The following RBPJ variants were observed in gnomAD, a reference collection of about 807,000 sequenced individuals.
RBPJ encodes recombination signal binding protein for immunoglobulin kappa J region, also known as recombining binding protein suppressor of hairless.
Under a neutral mutation model 67.8 loss-of-function variants are expected in RBPJ, and 9 were observed. The ratio of observed to expected loss-of-function variants is 0.13; its 90% confidence interval spans 0.08 to 0.23. The LOEUF is 0.23. RBPJ is among the 10% of genes least tolerant of loss of function. RBPJ has a pLI of 1.00. For synonymous variants in RBPJ, 198 were observed against 203.3 expected (o/e 0.97, Z 0.22); for missense variants, 305 against 595.6 (o/e 0.51, Z 5.08).
the RBPJ span, among the ~76,000 whole-genome samples, chr4:26,134,164 C>T: frequency 3.3e-5 from 5 of 152,166 alleles, 1 homozygote; most frequent in African/African-American, 1.2e-4. Context: ...TTTAAATGAA[C>T]CCTATTTAGA....
chr4:26,191,254 G>A (rs1050389475), intron 1 of RBPJ, among the ~76,000 whole-genome samples: 58 of 137,846 alleles, frequency 4.2e-4, no homozygotes, highest in African/African-American at 1.5e-3. Flanking sequence ...GAGAGAGAGA[G>A]AGGGAGAGAG....
chr4:26,233,481 G>A (rs1027906753), intron 1 of RBPJ, among the ~76,000 whole-genome samples: 6 of 152,160 alleles, frequency 3.9e-5, no homozygotes, highest in South Asian at 2.1e-4. Context: ...CTTCAGTTTC[G>A]TTAAGATGTT....
intron 1 of RBPJ, chr4:26,362,650 G>A: frequency 6.2e-7 from 1 of 1,601,016 alleles, no homozygotes; most frequent in Non-Finnish European, 8.6e-7. Flanking sequence ...AAATCTCCCA[G>A]TGACCCCAAG....
At chr4:26,357,683 GT>G (rs1727546270) in intron 1 of RBPJ, among the ~76,000 whole-genome samples, 1 of 152,040 alleles carries the variant, frequency 6.6e-6, no homozygotes, top group Non-Finnish European at 1.5e-5. Context: ...CTCCACAGCT[GT>G]TTTCATCTGC....
intron 1 of RBPJ, among the ~76,000 whole-genome samples, chr4:26,266,098 C>G (rs904218969): frequency 6.6e-6 from 1 of 152,090 alleles, no homozygotes; most frequent in African/African-American, 2.4e-5. Context: ...AAATTCCATA[C>G]TTTGGGGTAT....
intron 1 of RBPJ, among the ~76,000 whole-genome samples, chr4:26,244,129 A>G (rs1408769868): frequency 6.7e-6 from 1 of 148,852 alleles, no homozygotes; most frequent in Admixed American, 6.7e-5. Flanking sequence ...AAACTTTAAA[A>G]TGTATATATA....
intron 3 of RBPJ, among the ~76,000 whole-genome samples, chr4:26,406,790 A>G (rs1028492162): frequency 5.9e-5 from 9 of 152,256 alleles, no homozygotes; most frequent in Admixed American, 1.3e-4. Flanking sequence ...ACATTTCCAA[A>G]TAAGGAAGGG....
At chr4:26,154,779 G>C in the RBPJ span, among the ~76,000 whole-genome samples, 1 of 152,220 alleles carries the variant, frequency 6.6e-6, no homozygotes, top group South Asian at 2.1e-4. Flanking sequence ...AGGCAAAGGT[G>C]AGCCAGTGTG....
At chr4:26,206,020 G>T (rs1261816750) in intron 1 of RBPJ, among the ~76,000 whole-genome samples, 1 of 152,014 alleles carries the variant, frequency 6.6e-6, no homozygotes, top group Non-Finnish European at 1.5e-5. Context: ...ATTACACATA[G>T]ATGAACATGT....
At chr4:26,335,512 T>G (rs1724720363) in intron 1 of RBPJ, among the ~76,000 whole-genome samples, 1 of 151,650 alleles carries the variant, frequency 6.6e-6, no homozygotes, top group Non-Finnish European at 1.5e-5. Context: ...ATATTCTGCG[T>G]TCTCTTCTTT....
At chr4:26,174,865 G>A (rs1716740970) in intron 1 of RBPJ, among the ~76,000 whole-genome samples, 2 of 152,120 alleles carry the variant, frequency 1.3e-5, no homozygotes. Context: ...ACATATATAT[G>A]TGATCACATC....
chr4:26,161,066 G>C (rs1307391875), upstream of RBPJ, among the ~76,000 whole-genome samples: 1 of 152,238 alleles, frequency 6.6e-6, no homozygotes, highest in East Asian at 1.9e-4. Flanking sequence ...TCTGGGCTGG[G>C]TTTGTGACTT....
chr4:26,390,256 C>T (rs1028238334), intron 2 of RBPJ, among the ~76,000 whole-genome samples: 6 of 152,114 alleles, frequency 3.9e-5, no homozygotes, highest in African/African-American at 1.4e-4. Flanking sequence ...AGAGAATTTC[C>T]TCATCATAGG....
Position 26,257,749 on chromosome 4 carries a change from T to C in RBPJ, c.-167+94135T>C, listed in dbSNP as rs144743475. ...CAAAATGTTAAAAGAAATAAGCAGC[T>C]AACTTAGTTATCTTCTCCCTGCATC... is the stretch of plus-strand genomic sequence containing the variant. On this transcript the variant is annotated intron_variant, in intron 1 of 4. Transcript: ENST00000512351. 1.0e-3 allele frequency among the ~76,000 whole-genome samples: 155 copies of C among 152,358 alleles called. 2 individuals carry two copies. Among genetic ancestry groups the C allele is most frequent in the African/African-American group, 3.6e-3 (149 of 41,592 alleles).
intron 1 of RBPJ, among the ~76,000 whole-genome samples, chr4:26,374,005 G>A (rs942750503): frequency 8.6e-5 from 12 of 139,016 alleles, no homozygotes; most frequent in Admixed American, 1.6e-4. Flanking sequence ...TGCAGCCTCC[G>A]CCTCCTGGGT....
chr4:26,402,054 A>T (rs1336081774), intron 2 of RBPJ, among the ~76,000 whole-genome samples: 1 of 150,962 alleles, frequency 6.6e-6, no homozygotes, highest in East Asian at 1.9e-4. Flanking sequence ...ATGCCTGGCT[A>T]ATTCTGTATT....
chr4:26,178,932 C>T (rs528363958), intron 1 of RBPJ, among the ~76,000 whole-genome samples: 5 of 152,250 alleles, frequency 3.3e-5, no homozygotes, highest in African/African-American at 9.6e-5. Flanking sequence ...TTTGGAGGAT[C>T]GGGTTTGGAA....
chr4:26,112,543 C>CATTT, the RBPJ span: 2 of 65,918 alleles, frequency 3.0e-5, no homozygotes, highest in African/African-American at 7.6e-5. Context: ...GAGGAGGCAG[C>CATTT]CTTTTTTTTT....
At chr4:26,343,739 CTT>C (rs71186404) in intron 1 of RBPJ, among the ~76,000 whole-genome samples, 18 of 55,830 alleles carry the variant, frequency 3.2e-4, no homozygotes, top group African/African-American at 1.3e-3. Flanking sequence ...TTTCTTTCTT[CTT>C]TTTTTTTTTT....
Sources: gnomAD v4.1 joint callset for allele counts (sites outside exome capture counted in the v4.1 genomes callset) on GRCh38, gnomAD v4.1.1 for gene constraint, MANE v1.5 for transcripts, NCBI Gene and HGNC (gene_info 2026-07-23, HGNC 2026-07-21) for gene names.